GBF1: variants seen among roughly 807,000 people sequenced by gnomAD.
The protein encoded by GBF1 is golgi brefeldin A resistant guanine nucleotide exchange factor 1, also known as Golgi-specific brefeldin A-resistance guanine nucleotide exchange factor 1.
A neutral mutation model predicts 210.5 loss-of-function variants in GBF1; 114 were observed. The observed-to-expected ratio is 0.54, with a 90% CI of 0.47 to 0.63. The LOEUF (loss-of-function observed/expected upper bound fraction) is 0.63. GBF1 is among the 30% of genes least tolerant of loss of function. The pLI is 0.00. For synonymous variants in GBF1, 850 were observed against 889.2 expected, an observed-to-expected ratio of 0.96 and a Z score of 0.78; for missense variants, 1,851 against 2,357.7, an observed-to-expected ratio of 0.79 and a Z score of 4.45.
chr10:102,260,591 C>A (rs1212694162), intron 3 of GBF1, among the ~76,000 whole-genome samples: 1 of 150,432 alleles, frequency 6.6e-6, no homozygotes, highest in East Asian at 2.0e-4. Flanking sequence ...CAGTCTCCTG[C>A]CTCAGCCTCC....
At position 102,343,998 on chromosome 10, in the gene GBF1, G is replaced by T. The variant is rs1299772289; in HGVS notation, c.164-53G>T. 3.0e-5 allele frequency: 46 copies of T among 1,532,204 alleles called. 1 individual carries two copies. The Admixed American group carries it at 7.1e-4, about 24-fold the overall frequency. 94.9% of individuals were successfully genotyped at this position (1,532,204 alleles called of 1,614,324 possible). A position where few individuals can be genotyped will look rare whatever the true frequency, so the allele number is the denominator to read the frequency against. On this transcript the variant is annotated intron_variant, in intron 3 of 39. Transcript: ENST00000369983. Reference sequence around the variant, plus strand: ...GGCACAAACAAGAAACTTTTTCCAGGGTTTAGTTTTCTCTTAGATGATACC... The same window carrying T: ...GGCACAAACAAGAAACTTTTTCCAGTGTTTAGTTTTCTCTTAGATGATACC...
the GBF1 span, chr10:102,231,762 G>A: frequency 5.6e-6 from 9 of 1,606,338 alleles, no homozygotes; most frequent in Admixed American, 6.8e-5. Context: ...GGGAGCCGCC[G>A]GGCAGCGAAG....
chr10:102,361,993 C>A, intron 14 of GBF1, 81 bp downstream of exon 14: 1 of 642,038 alleles, frequency 1.6e-6, no homozygotes, highest in Non-Finnish European at 2.5e-6. Context: ...ATGTTACATA[C>A]AGAGAGGGGA....
At chr10:102,380,451 C>T in intron 37 of GBF1, 55 bp from the exon 38 acceptor site, 3 of 1,590,322 alleles carry the variant, frequency 1.9e-6, no homozygotes, top group Non-Finnish European at 2.6e-6. Context: ...CCTCCCTTTA[C>T]CATACTCCCC....
At chr10:102,378,501 A>G (rs2135351341) in intron 33 of GBF1, among the ~76,000 whole-genome samples, 2 of 151,876 alleles carry the variant, frequency 1.3e-5, no homozygotes, top group East Asian at 2.0e-4. Flanking sequence ...GGTGGCACAC[A>G]TTGTAGTCCC....
intron 3 of GBF1, among the ~76,000 whole-genome samples, chr10:102,339,689 A>G (rs2058037860): frequency 6.6e-6 from 1 of 152,110 alleles, no homozygotes; most frequent in Non-Finnish European, 1.5e-5. Context: ...CTTAGTATAT[A>G]TTTATAATAA....
intron 3 of GBF1, among the ~76,000 whole-genome samples, chr10:102,270,274 A>G (rs946883853): frequency 3.3e-4 from 50 of 151,912 alleles, no homozygotes; most frequent in African/African-American, 1.1e-3. Context: ...GGTTCAAGCA[A>G]TTCTCCTGCC....
At chr10:102,367,645 C>T in intron 21 of GBF1, 85 bp downstream of exon 21, 1 of 834,506 alleles carries the variant, frequency 1.2e-6, no homozygotes, top group Non-Finnish European at 2.1e-6. Context: ...TCATGTCAGA[C>T]TGCAGTGACT....
chr10:102,340,138 A>G (rs1177296550), intron 3 of GBF1, among the ~76,000 whole-genome samples: 2 of 151,638 alleles, frequency 1.3e-5, no homozygotes, highest in African/African-American at 4.9e-5. Flanking sequence ...ATTTTTTGGT[A>G]GAGATGGGGT....
rs1379889745 is a variant in GBF1 at position 102,366,045 on chromosome 10, C to T, written c.2310-338C>T. ...GTCTCTATAAATTTCTTCTGGAGAC[C>T]CTAGCCAATGTTCTTCCTCTACCCA... On this transcript the variant is annotated intron_variant, in intron 18 of 39. Coordinates refer to ENST00000369983, the MANE Select transcript of GBF1 (RefSeq NM_001377137.1). The surrounding 1 kb of genome is among the most constrained non-coding windows in gnomAD (Gnocchi z 4.0). 6.6e-6 allele frequency among the ~76,000 whole-genome samples: 1 copy of T among 152,040 alleles called. No homozygotes were observed. The highest frequency in any genetic ancestry group is 1.5e-5 in the Non-Finnish European group (1 of 68,004).
chr10:102,374,353 A>C (rs1052026150), intron 29 of GBF1, among the ~76,000 whole-genome samples: 1 of 151,956 alleles, frequency 6.6e-6, no homozygotes, highest in African/African-American at 2.4e-5. Flanking sequence ...ATCTCAAAAA[A>C]AAAAAGAATT....
the GBF1 span, among the ~76,000 whole-genome samples, chr10:102,237,577 C>T: frequency 6.6e-6 from 1 of 151,992 alleles, no homozygotes; most frequent in African/African-American, 2.4e-5. Context: ...TGAGCAACAG[C>T]CCTGAATAAA....
chr10:102,245,492 G>C (rs2070719801), upstream of GBF1: 1 of 152,244 alleles, frequency 6.6e-6, no homozygotes, highest in African/African-American at 2.4e-5. Context: ...GCGCGCGGCA[G>C]GGCTCGCGCA....
the GBF1 span, among the ~76,000 whole-genome samples, chr10:102,240,139 A>G: frequency 1.3e-5 from 2 of 152,226 alleles, no homozygotes; most frequent in African/African-American, 2.4e-5. Context: ...CTGATACTCC[A>G]GCAAGGAGTC....
intron 3 of GBF1, among the ~76,000 whole-genome samples, chr10:102,290,719 A>G (rs1222043309): frequency 6.6e-6 from 1 of 152,104 alleles, no homozygotes; most frequent in Non-Finnish European, 1.5e-5. Flanking sequence ...TTCCCAGGCT[A>G]GTCTCAAACT....
At chr10:102,279,999 C>A (rs796319518) in intron 3 of GBF1, among the ~76,000 whole-genome samples, 1 of 151,946 alleles carries the variant, frequency 6.6e-6, no homozygotes, top group African/African-American at 2.4e-5. Flanking sequence ...TGGCACACAC[C>A]AGTAGTCCCA....
At chr10:102,358,818 GAAAGAAGCTTGGGGTAACTTCA>G (rs2059433773) in intron 10 of GBF1, 89 bp downstream of exon 10, 1 of 820,380 alleles carries the variant, frequency 1.2e-6, no homozygotes, top group Non-Finnish European at 2.0e-6. Context: ...GACTTGGCTC[GAAAGAAGCTTGGGGTAACTTCA>G]AAAGAAGCTC....
chr10:102,379,340 G>T lies in GBF1; in HGVS notation c.4551G>T (p.Trp1517Cys). ...HTRAASIYSSWAEEQRHLETG... is the reference protein window; with the variant it reads ...HTRAASIYSSCAEEQRHLETG... ...GGGCAGCCTCTATCTACAGCTCATGGGCGGAGGAGCAACGCCACCTGGAGA... is the reference window on the plus strand; with the variant it reads ...GGGCAGCCTCTATCTACAGCTCATGTGCGGAGGAGCAACGCCACCTGGAGA... The change falls in exon 34 of 40, where the codon TGG (tryptophan) becomes TGT (cysteine). Residue 1517 changes from tryptophan (W) to cysteine (C), a missense_variant. Trp to Cys is a radical substitution (Grantham distance 215). Around this residue, in one of 3 missense-constraint regions of GBF1, gnomAD observed 967 missense variants for 1,247.7 expected, o/e 0.78. Coordinates refer to ENST00000369983, the MANE Select transcript of GBF1 (RefSeq NM_001377137.1). The T allele has an allele frequency of 6.2e-7, 1 of 1,613,922 alleles. No homozygotes were observed. The highest frequency in any genetic ancestry group is 8.5e-7 in the Non-Finnish European group (1 of 1,179,930).
intron 3 of GBF1, among the ~76,000 whole-genome samples, chr10:102,334,104 G>A (rs913922672): frequency 6.6e-6 from 1 of 152,114 alleles, no homozygotes; most frequent in Non-Finnish European, 1.5e-5. Flanking sequence ...ATATTTGCAG[G>A]GTAAAGAACA....
Sources: gnomAD v4.1 joint callset for allele counts (sites outside exome capture counted in the v4.1 genomes callset) on GRCh38, gnomAD v4.1.1 for gene constraint, gnomAD v4.1.1 regional missense constraint, Gnocchi (gnomAD v3.1) non-coding constraint, MANE v1.5 for transcripts, NCBI Gene and HGNC (gene_info 2026-07-23, HGNC 2026-07-21) for gene names.